The following RSPO2 variants were observed in gnomAD, a reference collection of about 807,000 sequenced individuals.
RSPO2 encodes R-spondin 2.
RSPO2 carries 14 observed loss-of-function variants against 30.9 expected under a neutral mutation model. That is an observed-to-expected ratio of 0.45 (90% CI 0.30 to 0.71). RSPO2 has a LOEUF of 0.71. Among genes scored for constraint, RSPO2 ranks in the 30% least tolerant of loss-of-function variants. RSPO2 has a pLI of 0.08. For synonymous variants in RSPO2, 107 were observed against 96.4 expected (o/e 1.11, Z -0.64); for missense variants, 264 against 301.9 (o/e 0.87, Z 0.93).
At position 107,941,440 on chromosome 8, in the gene RSPO2, C is replaced by T. The variant is rs987745441; in HGVS notation, c.616+16640G>A. On this transcript the variant is annotated intron_variant, in intron 5 of 5. Coordinates refer to ENST00000276659, the MANE Select transcript of RSPO2 (RefSeq NM_178565.5). ...GATCACTGCAAAATGTAAATTCTAA[C>T]GTTATTTATGTAAAGGCAATTTCTA... 5.3e-5 allele frequency among the ~76,000 whole-genome samples: 8 copies of T among 152,114 alleles called. No homozygotes were observed. The East Asian group carries it at 1.2e-3, about 22-fold the overall frequency.
At chr8:108,041,203 CAA>C (rs55937336) in intron 2 of RSPO2, among the ~76,000 whole-genome samples, 5,533 of 100,388 alleles carry the variant, frequency 0.055, 325 homozygotes, top group African/African-American at 0.18. Flanking sequence ...CAAAAAGTGG[CAA>C]AAAAAAAAAA....
chr8:108,081,742 T>C (rs1813204639), intron 2 of RSPO2: 2 of 200,902 alleles, frequency 1.0e-5, no homozygotes, highest in Non-Finnish European at 1.8e-5. Flanking sequence ...GCACAAGTGA[T>C]GGAGAGGGAG....
intron 2 of RSPO2, among the ~76,000 whole-genome samples, chr8:108,067,499 A>G (rs951426010): frequency 2.0e-5 from 3 of 152,226 alleles, no homozygotes; most frequent in Admixed American, 6.5e-5. Flanking sequence ...CAAAATGTCA[A>G]TATTTGTTCA....
intron 3 of RSPO2, among the ~76,000 whole-genome samples, chr8:107,963,570 A>G (rs1271957728): frequency 2.7e-5 from 4 of 148,000 alleles, no homozygotes; most frequent in Non-Finnish European, 6.0e-5. Context: ...CAAGATATAT[A>G]TAGTATGACA....
intron 5 of RSPO2, among the ~76,000 whole-genome samples, chr8:107,920,177 CTCTT>C (rs995311598): frequency 3.9e-5 from 6 of 152,048 alleles, no homozygotes; most frequent in Admixed American, 2.6e-4. Flanking sequence ...TTGATTCTCT[CTCTT>C]TCTTAAGGAT....
chr8:108,020,618 C>T (rs897037825), intron 2 of RSPO2, among the ~76,000 whole-genome samples: 44 of 152,102 alleles, frequency 2.9e-4, no homozygotes, highest in Admixed American at 7.2e-4. Flanking sequence ...CTCATTTGAA[C>T]TCTTTTTCAT....
intron 5 of RSPO2, among the ~76,000 whole-genome samples, chr8:107,938,605 A>G (rs1812792229): frequency 1.3e-5 from 2 of 152,180 alleles, no homozygotes; most frequent in Non-Finnish European, 2.9e-5. Context: ...GAAGCTAAAC[A>G]TAAAGCACAG....
chr8:107,928,514 A>C (rs904142639), intron 5 of RSPO2, among the ~76,000 whole-genome samples: 2 of 152,224 alleles, frequency 1.3e-5, no homozygotes, highest in African/African-American at 4.8e-5. Context: ...CACTTAGATT[A>C]CATAAAAGTA....
At chr8:108,033,758 T>A (rs1173865858) in intron 2 of RSPO2, among the ~76,000 whole-genome samples, 1 of 152,206 alleles carries the variant, frequency 6.6e-6, no homozygotes. Context: ...CTTTTCAATG[T>A]CTTGGAAAGG....
At chr8:107,981,141 G>A (rs1169175549) in intron 3 of RSPO2, among the ~76,000 whole-genome samples, 3 of 152,106 alleles carry the variant, frequency 2.0e-5, no homozygotes, top group African/African-American at 7.2e-5. Context: ...CAGTTGTCCA[G>A]ATTTGGACAT....
chr8:108,060,626 G>A (rs1812424111), intron 2 of RSPO2, among the ~76,000 whole-genome samples: 2 of 151,788 alleles, frequency 1.3e-5, no homozygotes, highest in Admixed American at 1.3e-4. Context: ...TATTATCCAG[G>A]AGAACTTCCC....
At chr8:107,977,966 C>T (rs78007044) in intron 3 of RSPO2, among the ~76,000 whole-genome samples, 2,127 of 151,652 alleles carry the variant, frequency 0.014, 42 homozygotes, top group African/African-American at 0.047. Context: ...CTCAGGTATC[C>T]GACTCTCCAA....
chr8:107,984,256 A>T (rs1814552495), intron 3 of RSPO2, among the ~76,000 whole-genome samples: 1 of 152,264 alleles, frequency 6.6e-6, no homozygotes, highest in Non-Finnish European at 1.5e-5. Context: ...ATTTCTTCCA[A>T]GCAACAGTTA....
chr8:107,906,262 ATGTCCTGACTACACT>A (rs1453175163), intron 5 of RSPO2, among the ~76,000 whole-genome samples: 1 of 151,940 alleles, frequency 6.6e-6, no homozygotes, highest in African/African-American at 2.4e-5. Context: ...ATGTACTTAA[ATGTCCTGACTACACT>A]TTTCATGACC....
At chr8:108,011,134 G>GAAAAAAAAAAA (rs66722934) in intron 2 of RSPO2, among the ~76,000 whole-genome samples, 7 of 100,458 alleles carry the variant, frequency 7.0e-5, no homozygotes, top group Non-Finnish European at 9.7e-5. Context: ...CTCCGTCCCA[G>GAAAAAAAAAAA]AAAAAAAAAA....
intron 2 of RSPO2, among the ~76,000 whole-genome samples, chr8:107,999,670 A>C (rs1815161836): frequency 6.6e-6 from 1 of 152,170 alleles, no homozygotes; most frequent in Non-Finnish European, 1.5e-5. Flanking sequence ...TCTGGCCTCA[A>C]GTGATCCGCC....
intron 5 of RSPO2, among the ~76,000 whole-genome samples, chr8:107,937,534 C>G (rs1586560188): frequency 6.6e-6 from 1 of 151,318 alleles, no homozygotes; most frequent in Non-Finnish European, 1.5e-5. Context: ...AATCTGAAGG[C>G]ATTTTTTTTC....
At chr8:107,934,891 C>T (rs1812665495) in intron 5 of RSPO2, among the ~76,000 whole-genome samples, 1 of 152,186 alleles carries the variant, frequency 6.6e-6, no homozygotes, top group African/African-American at 2.4e-5. Context: ...CTATGCCTGT[C>T]TTTAATCTCT....
chr8:107,932,181 C>T (rs1812572566), intron 5 of RSPO2, among the ~76,000 whole-genome samples: 2 of 151,986 alleles, frequency 1.3e-5, no homozygotes, highest in Admixed American at 1.3e-4. Flanking sequence ...ACTTAAGAGA[C>T]CACTGAAGTA....
Sources: gnomAD v4.1 joint callset for allele counts (sites outside exome capture counted in the v4.1 genomes callset) on GRCh38, gnomAD v4.1.1 for gene constraint, MANE v1.5 for transcripts, NCBI Gene and HGNC (gene_info 2026-07-23, HGNC 2026-07-21) for gene names.